The following ZNF214 variants were observed in gnomAD, a reference collection of about 807,000 sequenced individuals.
ZNF214 encodes BWSCR2-associated zinc finger protein 1.
A neutral mutation model predicts 53.9 loss-of-function variants in ZNF214; 43 were observed. That is an observed-to-expected ratio of 0.80 (90% CI 0.63 to 1.03). ZNF214 has a LOEUF of 1.03. ZNF214 is among the 50% of genes least tolerant of loss of function. The pLI is 0.00. For missense variants in ZNF214, 724 were observed against 719.1 expected (o/e 1.01, Z -0.08); for synonymous variants, 217 against 229.5 (o/e 0.95, Z 0.49).
chr11:7,000,511 C>A lies in ZNF214; in HGVS notation c.1172G>T (p.Cys391Phe), dbSNP rs917904810. ...TGAGCTCTGGCTGAAACCCTTACCA[C>A]ACTCATCACACTTATATGGTTTTTC... ...TGEKPYKCDE[C>F]GKGFSQSSNL... Residue 391 changes from cysteine to phenylalanine, a missense_variant, in exon 3 of 3, where the codon TGT becomes TTT. Physicochemically the swap from Cys to Phe is radical, Grantham distance 205 (BLOSUM62 -2). Transcript: ENST00000278314. The A allele has an allele frequency of 6.2e-6, 10 of 1,612,358 alleles. No individual in the cohort carries two copies. In the African/African-American group the frequency reaches 1.3e-4, roughly 22 times the overall value.
chr11:7,007,903 T>C (rs539892003), intron 1 of ZNF214, among the ~76,000 whole-genome samples: 59 of 152,072 alleles, frequency 3.9e-4, no homozygotes, highest in African/African-American at 1.3e-3. Context: ...ATCAACATAA[T>C]ATAGAATACA....
At chr11:7,018,151 A>G (rs933521756) in intron 1 of ZNF214, among the ~76,000 whole-genome samples, 3 of 152,232 alleles carry the variant, frequency 2.0e-5, no homozygotes, top group Admixed American at 6.5e-5. Context: ...AAAAGACTAC[A>G]AGTAAATACA....
intron 1 of ZNF214, among the ~76,000 whole-genome samples, chr11:7,010,343 C>T (rs1851575566): frequency 6.6e-6 from 1 of 151,978 alleles, no homozygotes; most frequent in Admixed American, 6.6e-5. Context: ...ACTGCACGTT[C>T]TCAATTATAT....
chr11:7,002,251 A>G (rs1851372328), intron 2 of ZNF214, among the ~76,000 whole-genome samples: 1 of 151,986 alleles, frequency 6.6e-6, no homozygotes, highest in African/African-American at 2.4e-5. Context: ...CCCACATTTG[A>G]GTCAGGCCAG....
chr11:7,008,632 A>C (rs1851532146), intron 1 of ZNF214, among the ~76,000 whole-genome samples: 1 of 152,136 alleles, frequency 6.6e-6, no homozygotes, highest in Non-Finnish European at 1.5e-5. Context: ...AAATAAAGAC[A>C]GGAAGTCAAA....
chr11:7,000,841 T>A lies in ZNF214; in HGVS notation c.842A>T (p.Asp281Val), dbSNP rs776096870. ...TCCGGAGCTCTGATGAAAGTTACCG[T>A]CAACTTCATCACATCCGTACAGCTT... ...GKKLYGCDEV[D>V]GNFHQSSGVH... Residue 281 changes from aspartate to valine, a missense_variant, in exon 3 of 3, where the codon GAC becomes GTC. Asp to Val is a radical substitution (Grantham distance 152). Coordinates refer to ENST00000278314, the MANE Select transcript of ZNF214 (RefSeq NM_013249.4). 2 of 1,612,450 alleles carry A rather than the reference T, an allele frequency of 1.2e-6. No individual in the cohort carries two copies. The highest frequency in any genetic ancestry group is 2.2e-5 in the South Asian group (2 of 90,984).
At chr11:7,009,892 G>T (rs1851565127) in intron 1 of ZNF214, among the ~76,000 whole-genome samples, 1 of 152,058 alleles carries the variant, frequency 6.6e-6, no homozygotes, top group South Asian at 2.1e-4. Context: ...CAGTCAGATG[G>T]CTATTATTAA....
rs1431814780 is a variant in ZNF214, at chr11:7,001,518, T to A, written c.165A>T (p.Lys55Asn). Reference sequence around the variant, plus strand: ...AATTTTCATATTCTAAGTATCTGAATTTTTCTTCTTGGGATTTGTAGCTCT... The same window carrying A: ...AATTTTCATATTCTAAGTATCTGAAATTTTCTTCTTGGGATTTGTAGCTCT... ...WNESYKSQEEKFRYLEYENFS... is the reference protein window; with the variant it reads ...WNESYKSQEENFRYLEYENFS... Residue 55 changes from lysine (K) to asparagine (N), a missense_variant, in exon 3 of 3, where the codon AAA becomes AAT. Transcript: ENST00000278314. The A allele has an allele frequency of 6.2e-7, 1 of 1,607,818 alleles. No individual in the cohort carries two copies. Among genetic ancestry groups the A allele is most frequent in the Non-Finnish European group, 8.5e-7 (1 of 1,176,410 alleles).
intron 1 of ZNF214, among the ~76,000 whole-genome samples, chr11:7,017,019 C>G (rs2035845): frequency 0.57 from 87,136 of 151,892 alleles, 25,937 homozygotes; most frequent in East Asian, 0.74. Flanking sequence ...CAGCATATGA[C>G]AAATGATTTA....
chr11:7,001,268 A>C lies in ZNF214; in HGVS notation c.415T>G (p.Trp139Gly), dbSNP rs762796845. The C allele has an allele frequency of 3.7e-6, 6 of 1,613,046 alleles. No individual in the cohort carries two copies. The South Asian group carries it at 6.6e-5, about 18-fold the overall frequency. ...GTGGTTTTTGTTTCTAAGGACTGCC[A>C]AGGCATAAAATTTTTATATTTTAAG... ...RNLKYKNFMPWQSLETKTTQD... is the reference protein window; with the variant it reads ...RNLKYKNFMPGQSLETKTTQD... The change falls in exon 3 of 3, where the codon TGG (tryptophan) becomes GGG (glycine). Residue 139 changes from tryptophan to glycine, a missense_variant. Transcript: ENST00000278314.
intron 1 of ZNF214, among the ~76,000 whole-genome samples, chr11:7,018,519 T>TTTTTTTTAG (rs3077865): frequency 1.1e-5 from 1 of 91,606 alleles, no homozygotes; most frequent in African/African-American, 3.8e-5. Context: ...TTTTTTTTTT[T>TTTTTTTTAG]GAGAGGGAGT....
At chr11:7,003,555 A>C (rs1364233011) in intron 1 of ZNF214, among the ~76,000 whole-genome samples, 1 of 152,028 alleles carries the variant, frequency 6.6e-6, no homozygotes, top group African/African-American at 2.4e-5. Flanking sequence ...AACGTTTAGC[A>C]AGACTAAGTT....
rs371597461 is a variant in ZNF214 at position 7,000,441 on chromosome 11, A to C, written c.1242T>G (p.Tyr414Ter). Reference protein sequence around the residue: ...HQLVHTGEKSYKCEDCGKGFT... With the variant: ...HQLVHTGEKS Reference sequence around the variant, plus strand: ...AGCCTTTACCACAGTCTTCACATTTATAAGACTTCTCTCCTGTGTGTACTA... The same window carrying C: ...AGCCTTTACCACAGTCTTCACATTTCTAAGACTTCTCTCCTGTGTGTACTA... Residue 414 changes from tyrosine to a stop codon, truncating the protein, a stop_gained, in exon 3 of 3, where the codon TAT (tyrosine) becomes TAG (stop). Transcript: ENST00000278314. LOFTEE classifies it high-confidence loss of function. 6.2e-7 allele frequency: 1 copy of C among 1,613,274 alleles called. No homozygotes were observed. Among genetic ancestry groups the C allele is most frequent in the Admixed American group, 1.7e-5 (1 of 59,858 alleles).
At chr11:7,004,709 G>A (rs1000937859) in intron 1 of ZNF214, among the ~76,000 whole-genome samples, 1 of 152,054 alleles carries the variant, frequency 6.6e-6, no homozygotes, top group Non-Finnish European at 1.5e-5. Context: ...GAGGAACTGG[G>A]ACCTTCTGCT....
rs371329834 is a variant in ZNF214, at chr11:7,001,460, C to T, written c.223G>A (p.Ala75Thr). The T allele has an allele frequency of 1.2e-4, 198 of 1,612,880 alleles. No individual in the cohort carries two copies. The highest frequency in any genetic ancestry group is 7.3e-4 in the Admixed American group (44 of 59,904). ...TAGTTCTGATTCTCATACATCTGGG[C>T]GCCAGCATTCCACCAGCCTTGCCAG... ...SYWQGWWNAG[A>T]QMYENQNYGE... The change falls in exon 3 of 3, where the codon GCC (alanine) becomes ACC (threonine). Residue 75 changes from alanine to threonine, a missense_variant. By Grantham distance (58) the Ala-to-Thr change is moderately conservative. Transcript: ENST00000278314.
intron 2 of ZNF214, among the ~76,000 whole-genome samples, chr11:7,002,283 C>T (rs149166089): frequency 6.6e-5 from 10 of 152,054 alleles, no homozygotes; most frequent in Non-Finnish European, 1.0e-4. Flanking sequence ...TTAGACCATT[C>T]AACCACAACC....
chr11:7,011,929 T>A (rs1372314778), intron 1 of ZNF214, among the ~76,000 whole-genome samples: 2 of 152,118 alleles, frequency 1.3e-5, no homozygotes, highest in Non-Finnish European at 2.9e-5. Flanking sequence ...ACTTTCACAT[T>A]CCAATAAAGA....
chr11:6,999,279 TAAC>T lies in ZNF214; in HGVS notation c.*580_*582del, dbSNP rs1218001390. ...CCCTGGGTTTTCTGGTTGACAGAGA[TAAC>T]AACTCAGATACACTGTCTCAGACAC... On this transcript the variant is annotated 3_prime_UTR_variant, in exon 3 of 3. Transcript: ENST00000278314. The T allele has an allele frequency of 6.6e-6, 1 of 152,474 alleles. No individual in the cohort carries two copies. The highest frequency in any genetic ancestry group is 1.5e-5 in the Non-Finnish European group (1 of 68,260). 9.4% of individuals were successfully genotyped at this position (152,474 alleles called of 1,614,324 possible).
intron 1 of ZNF214, among the ~76,000 whole-genome samples, chr11:7,005,127 T>C (rs1851445382): frequency 6.6e-6 from 1 of 151,358 alleles, no homozygotes. Flanking sequence ...TATATGATAA[T>C]GTCTATATGA....
Sources: allele counts gnomAD v4.1 joint callset (sites outside exome capture counted in the v4.1 genomes callset), GRCh38; gene constraint gnomAD v4.1.1; transcripts MANE v1.5; gene names NCBI Gene and HGNC (gene_info 2026-07-23, HGNC 2026-07-21).